PDS5B: variants seen among roughly 807,000 people sequenced by gnomAD.
PDS5B encodes sister chromatid cohesion protein PDS5 homolog B.
Under a neutral mutation model 184.1 loss-of-function variants are expected in PDS5B, and 51 were observed. The observed-to-expected ratio is 0.28, with a 90% CI of 0.22 to 0.35. The LOEUF is 0.35. Among genes scored for constraint, PDS5B ranks in the 10% least tolerant of loss-of-function variants. The probability of loss-of-function intolerance (pLI) is 1.00; values close to 1 mark genes in which losing one functional copy is unlikely to be tolerated. For missense variants in PDS5B, 1,180 were observed against 1,723.3 expected, an observed-to-expected ratio of 0.68 and a Z score of 5.58; for synonymous variants, 566 against 569.2, an observed-to-expected ratio of 0.99 and a Z score of 0.08.
Position 32,683,315 on chromosome 13 carries a change from A to ATT in PDS5B, c.1058-542_1058-541dup, listed in dbSNP as rs529817272. Among the ~76,000 whole-genome samples, 648 of 119,870 alleles carry ATT rather than the reference A, an allele frequency of 5.4e-3. 7 individuals carry two copies. Among genetic ancestry groups the ATT allele is most frequent in the African/African-American group, 0.017 (539 of 31,596 alleles). The allele number at this position is 119,870 out of a possible 152,430, so 78.6% of individuals were successfully genotyped here. ...TGAGCTACCACGCCTGGCCTTTAAA[A>ATT]TTTTTTTTTTTTTTTTTTTTTTGAG... On this transcript the variant is annotated intron_variant, in intron 10 of 34. Coordinates refer to ENST00000315596, the MANE Select transcript of PDS5B (RefSeq NM_015032.4).
At chr13:32,638,425 T>C (rs2058599849) in intron 1 of PDS5B, among the ~76,000 whole-genome samples, 1 of 152,090 alleles carries the variant, frequency 6.6e-6, no homozygotes, top group African/African-American at 2.4e-5. Flanking sequence ...AGTGTGCGGG[T>C]GGGGAACTCT....
chr13:32,699,222 A>G (rs977431827), intron 15 of PDS5B, among the ~76,000 whole-genome samples: 1 of 152,200 alleles, frequency 6.6e-6, no homozygotes, highest in African/African-American at 2.4e-5. Flanking sequence ...CCATGCAGTA[A>G]TGACTTACCC....
At position 32,742,621 on chromosome 13, in the gene PDS5B, C is replaced by A; in HGVS notation, c.2506C>A (p.Leu836Ile). The A allele has an allele frequency of 1.9e-6, 3 of 1,611,164 alleles. No homozygotes were observed. The highest frequency in any genetic ancestry group is 2.5e-6 in the Non-Finnish European group (3 of 1,177,788). The change falls in exon 23 of 35, where the codon CTA (leucine) becomes ATA (isoleucine). Residue 836 changes from leucine to isoleucine, a missense_variant. By Grantham distance (5) the Leu-to-Ile change is conservative. Transcript: ENST00000315596. ...IQAIKMMVRW[L>I]LGMKNNHSKS... ...GGCTATTAAAATGATGGTTCGATGG[C>A]TACTTGGAATGAAAAATAATCACAG...
At chr13:32,634,199 A>C (rs2058502781) in intron 1 of PDS5B, among the ~76,000 whole-genome samples, 1 of 152,154 alleles carries the variant, frequency 6.6e-6, no homozygotes, top group South Asian at 2.1e-4. Flanking sequence ...TTTCTCTTTA[A>C]ATTTCTTAGA....
At chr13:32,774,367 A>G (rs955834901) in intron 34 of PDS5B, among the ~76,000 whole-genome samples, 2 of 152,176 alleles carry the variant, frequency 1.3e-5, no homozygotes, top group East Asian at 3.8e-4. Context: ...TGTGACCTCA[A>G]ATTAGTTTGG....
At chr13:32,597,218 A>AT (rs1420945081) in intron 1 of PDS5B, among the ~76,000 whole-genome samples, 4 of 116,552 alleles carry the variant, frequency 3.4e-5, no homozygotes, top group Non-Finnish European at 5.6e-5. Flanking sequence ...TTTTTTTTGT[A>AT]TTTTTTGTAG....
intron 19 of PDS5B, among the ~76,000 whole-genome samples, chr13:32,716,073 G>A (rs1189415284): frequency 1.3e-5 from 2 of 151,830 alleles, no homozygotes; most frequent in African/African-American, 2.4e-5. Context: ...GCCTCTGCCC[G>A]GCCACCACCC....
chr13:32,598,249 A>G (rs1013483695), intron 1 of PDS5B, among the ~76,000 whole-genome samples: 1 of 151,680 alleles, frequency 6.6e-6, no homozygotes, highest in African/African-American at 2.4e-5. Flanking sequence ...ATTTTTTTGT[A>G]TTTTTAGTAG....
chr13:32,703,017 G>C (rs1203688677), intron 17 of PDS5B, among the ~76,000 whole-genome samples: 2 of 152,120 alleles, frequency 1.3e-5, no homozygotes. Context: ...ATAAAGGCAA[G>C]GAAGAACCAG....
intron 1 of PDS5B, among the ~76,000 whole-genome samples, chr13:32,595,268 T>G (rs1411895705): frequency 6.6e-6 from 1 of 152,174 alleles, no homozygotes. Flanking sequence ...AACTCTCACA[T>G]TACATAAGTT....
intron 10 of PDS5B, among the ~76,000 whole-genome samples, chr13:32,680,817 G>A (rs1761542808): frequency 6.6e-6 from 1 of 152,082 alleles, no homozygotes. Context: ...TTAAGAGACA[G>A]GGTCTTACTC....
chr13:32,634,246 A>G (rs571470328), intron 1 of PDS5B, among the ~76,000 whole-genome samples: 1 of 152,338 alleles, frequency 6.6e-6, no homozygotes, highest in South Asian at 2.1e-4. Flanking sequence ...CTTATGTGAT[A>G]ATGACCAGAC....
chr13:32,732,428 T>C (rs1953156332), intron 20 of PDS5B, among the ~76,000 whole-genome samples: 1 of 152,152 alleles, frequency 6.6e-6, no homozygotes, highest in Admixed American at 6.6e-5. Context: ...GATTCAGAAA[T>C]CAAGCATTGT....
At chr13:32,645,976 G>T (rs1000857425) in intron 1 of PDS5B, among the ~76,000 whole-genome samples, 11 of 149,062 alleles carry the variant, frequency 7.4e-5, no homozygotes, top group Admixed American at 4.7e-4. Flanking sequence ...ACTTTGATGT[G>T]TGTGTGTGGG....
At chr13:32,764,107 T>A (rs1315657915) in intron 30 of PDS5B, among the ~76,000 whole-genome samples, 1 of 152,014 alleles carries the variant, frequency 6.6e-6, no homozygotes, top group Non-Finnish European at 1.5e-5. Flanking sequence ...TATAGTGTGT[T>A]AGAGGGTGTT....
intron 1 of PDS5B, among the ~76,000 whole-genome samples, chr13:32,591,986 C>T (rs1281458317): frequency 6.6e-6 from 1 of 152,032 alleles, no homozygotes; most frequent in Non-Finnish European, 1.5e-5. Flanking sequence ...TATTGAAAGC[C>T]CTTGACTTGG....
chr13:32,611,475 T>C (rs186287840), intron 1 of PDS5B, among the ~76,000 whole-genome samples: 2 of 151,800 alleles, frequency 1.3e-5, no homozygotes, highest in African/African-American at 4.8e-5. Context: ...GTGAAAGACA[T>C]TTGATCATTT....
At chr13:32,655,061 G>A (rs1319630531) in intron 3 of PDS5B, among the ~76,000 whole-genome samples, 1 of 151,930 alleles carries the variant, frequency 6.6e-6, no homozygotes, top group African/African-American at 2.4e-5. Context: ...GGATTGCTGG[G>A]TCAAATGGTA....
chr13:32,650,332 T>A (rs1950338362), intron 2 of PDS5B: 1 of 152,226 alleles, frequency 6.6e-6, no homozygotes, highest in South Asian at 2.1e-4. Flanking sequence ...TTTTTCTCAT[T>A]TATTTTCCTA....
Sources: gnomAD v4.1 joint callset for allele counts (sites outside exome capture counted in the v4.1 genomes callset) on GRCh38, gnomAD v4.1.1 for gene constraint, MANE v1.5 for transcripts, NCBI Gene and HGNC (gene_info 2026-07-23, HGNC 2026-07-21) for gene names.